Variants in TMEM117 observed in about 807,000 individuals in gnomAD.
TMEM117 encodes transmembrane protein 117.
In TMEM117, 27 loss-of-function variants were observed where a neutral mutation model predicts 52.4. That is an observed-to-expected ratio of 0.51 (90% CI 0.38 to 0.71). The LOEUF is 0.71. Among genes scored for constraint, TMEM117 ranks in the 30% least tolerant of loss-of-function variants. The pLI, the probability that TMEM117 is intolerant of heterozygous loss-of-function variation, is 0.00. For missense variants in TMEM117, 556 were observed against 630.5 expected (o/e 0.88, Z 1.26); for synonymous variants, 215 against 206.3 (o/e 1.04, Z -0.36).
chr12:44,024,311 A>G (rs1323376828), intron 3 of TMEM117, among the ~76,000 whole-genome samples: 1 of 151,904 alleles, frequency 6.6e-6, no homozygotes, highest in Admixed American at 6.6e-5. Context: ...TGAAGTCATA[A>G]AAGTAAGGTG....
the TMEM117 span, among the ~76,000 whole-genome samples, chr12:44,394,789 G>A: frequency 6.6e-6 from 1 of 152,136 alleles, no homozygotes; most frequent in African/African-American, 2.4e-5. Flanking sequence ...CTGCACTTTA[G>A]GATCTTCCAG....
At chr12:44,268,492 A>G (rs1950406834) in intron 5 of TMEM117, among the ~76,000 whole-genome samples, 1 of 152,068 alleles carries the variant, frequency 6.6e-6, no homozygotes, top group Admixed American at 6.6e-5. Context: ...TTTAAAAATT[A>G]TGAGAAATAC....
At chr12:44,087,538 T>C (rs1370177161) in intron 3 of TMEM117, among the ~76,000 whole-genome samples, 3 of 152,144 alleles carry the variant, frequency 2.0e-5, no homozygotes, top group East Asian at 3.8e-4. Context: ...CATGGCTTAC[T>C]GTAGCCTCAA....
intron 3 of TMEM117, among the ~76,000 whole-genome samples, chr12:44,064,482 A>T (rs1947190658): frequency 1.3e-5 from 2 of 152,162 alleles, no homozygotes; most frequent in Admixed American, 6.5e-5. Flanking sequence ...GATTGAAAGG[A>T]TATTTTATCA....
chr12:44,117,327 C>G (rs1948161572), intron 3 of TMEM117, among the ~76,000 whole-genome samples: 1 of 151,244 alleles, frequency 6.6e-6, no homozygotes, highest in Admixed American at 6.6e-5. Flanking sequence ...GAAGCTTTAT[C>G]TAATCCATAG....
intron 5 of TMEM117, among the ~76,000 whole-genome samples, chr12:44,235,637 TG>T (rs1442232259): frequency 6.6e-6 from 1 of 151,766 alleles, no homozygotes; most frequent in Non-Finnish European, 1.5e-5. Context: ...TCTTCCAGTT[TG>T]CTTTCTTTTA....
At chr12:43,820,785 C>G in the TMEM117 span, among the ~76,000 whole-genome samples, 2 of 151,930 alleles carry the variant, frequency 1.3e-5, no homozygotes, top group African/African-American at 4.8e-5. Context: ...AAATGTTTGC[C>G]AAACCCTTCT....
At chr12:43,801,376 C>A in the TMEM117 span, among the ~76,000 whole-genome samples, 1 of 152,204 alleles carries the variant, frequency 6.6e-6, no homozygotes, top group South Asian at 2.1e-4. Context: ...CCCAGTATTT[C>A]TTTCAGATAG....
intron 6 of TMEM117, among the ~76,000 whole-genome samples, 196 bp downstream of exon 6, chr12:44,299,935 C>A (rs1950818689): frequency 6.6e-6 from 1 of 151,948 alleles, no homozygotes; most frequent in African/African-American, 2.4e-5. Flanking sequence ...AGAGGGGCAC[C>A]AAAAATGTAT....
At chr12:44,085,561 C>T (rs965690979) in intron 3 of TMEM117, among the ~76,000 whole-genome samples, 1 of 152,188 alleles carries the variant, frequency 6.6e-6, no homozygotes, top group Non-Finnish European at 1.5e-5. Flanking sequence ...CTCCCCTCTA[C>T]AGGGGTTCAA....
chr12:44,021,176 G>A (rs933274593), intron 3 of TMEM117, among the ~76,000 whole-genome samples: 24 of 151,966 alleles, frequency 1.6e-4, no homozygotes, highest in Non-Finnish European at 2.9e-5. Context: ...CTCATGTCAC[G>A]GGGGTTTGTT....
At chr12:43,806,352 C>T in the TMEM117 span, 1 of 1,255,172 alleles carries the variant, frequency 8.0e-7, no homozygotes. Flanking sequence ...CGTCATCCGC[C>T]CGCGACCCGC....
intron 3 of TMEM117, among the ~76,000 whole-genome samples, chr12:43,991,196 A>C (rs1488595600): frequency 6.6e-6 from 1 of 152,204 alleles, no homozygotes. Flanking sequence ...TTTCTCTTTT[A>C]ATGATCAAGT....
intron 6 of TMEM117, among the ~76,000 whole-genome samples, chr12:44,312,867 A>G (rs777210430): frequency 2.0e-5 from 3 of 152,142 alleles, no homozygotes; most frequent in African/African-American, 7.2e-5. Context: ...AGTGATGATG[A>G]GCATTTTTTC....
At chr12:43,796,793 G>GAT in the TMEM117 span, among the ~76,000 whole-genome samples, 15 of 152,024 alleles carry the variant, frequency 9.9e-5, no homozygotes, top group African/African-American at 2.7e-4. Flanking sequence ...AGGAAGTACA[G>GAT]ATATATATAG....
chr12:43,967,812 C>A (rs901542311), intron 3 of TMEM117, among the ~76,000 whole-genome samples: 6 of 152,196 alleles, frequency 3.9e-5, no homozygotes, highest in Admixed American at 2.0e-4. Context: ...TATTCCCTAG[C>A]AGTGGATAAC....
Position 44,005,463 on chromosome 12 carries a change from A to G in TMEM117, c.410+61121A>G, listed in dbSNP as rs372488945. ...GGCTAATAGGGTAAAGAAGAAAACCAATAACATCAGAAAACAATTCCATCC... is the reference window on the plus strand; with the variant it reads ...GGCTAATAGGGTAAAGAAGAAAACCGATAACATCAGAAAACAATTCCATCC... On this transcript the variant is annotated intron_variant, in intron 3 of 7. Coordinates refer to ENST00000266534, the MANE Select transcript of TMEM117 (RefSeq NM_032256.3). 3.0e-4 allele frequency among the ~76,000 whole-genome samples: 45 copies of G among 152,322 alleles called. No homozygotes were observed. In the East Asian group the frequency reaches 4.8e-3, roughly 16 times the overall value.
At chr12:43,806,942 A>T in the TMEM117 span, among the ~76,000 whole-genome samples, 1 of 152,328 alleles carries the variant, frequency 6.6e-6, no homozygotes, top group African/African-American at 2.4e-5. Context: ...TCTGTGGTCG[A>T]TTATACCATT....
chr12:44,287,329 T>C (rs1336103221), intron 5 of TMEM117, among the ~76,000 whole-genome samples: 1 of 152,218 alleles, frequency 6.6e-6, no homozygotes, highest in Non-Finnish European at 1.5e-5. Flanking sequence ...CAGCGTGTCT[T>C]GCTGGCAGTG....
Sources: gnomAD v4.1 joint callset for allele counts (sites outside exome capture counted in the v4.1 genomes callset) on GRCh38, gnomAD v4.1.1 for gene constraint, MANE v1.5 for transcripts, NCBI Gene and HGNC (gene_info 2026-07-23, HGNC 2026-07-21) for gene names.